The following DNAJC15 variants were observed in gnomAD, a reference collection of about 807,000 sequenced individuals.
The protein encoded by DNAJC15 is dnaJ homolog subfamily C member 15.
DNAJC15 carries 27 observed loss-of-function variants against 22.4 expected under a neutral mutation model. The observed-to-expected ratio is 1.20, with a 90% CI of 0.89 to 1.66. The LOEUF is 1.66. DNAJC15 is among the 40% of genes most tolerant of loss of function. DNAJC15 has a pLI of 0.00. For synonymous variants in DNAJC15, 79 were observed against 63.2 expected (o/e 1.25, Z -1.19); for missense variants, 208 against 187.1 (o/e 1.11, Z -0.65).
chr13:43,055,175 G>C (rs1213712335), intron 1 of DNAJC15, among the ~76,000 whole-genome samples: 1 of 151,782 alleles, frequency 6.6e-6, no homozygotes, highest in Non-Finnish European at 1.5e-5. Flanking sequence ...CTCCCTCTCA[G>C]ATAAGCAAAA....
chr13:43,050,818 TA>T (rs1322539374), intron 1 of DNAJC15, among the ~76,000 whole-genome samples: 1 of 152,226 alleles, frequency 6.6e-6, no homozygotes, highest in Non-Finnish European at 1.5e-5. Flanking sequence ...TTAATTCCAG[TA>T]AATAAATGGG....
chr13:43,037,268 G>A (rs572515596), intron 1 of DNAJC15, among the ~76,000 whole-genome samples: 1 of 152,308 alleles, frequency 6.6e-6, no homozygotes, highest in South Asian at 2.1e-4. Flanking sequence ...ACTACAAAAT[G>A]TTGCAGATAA....
At chr13:43,029,189 C>T (rs2040393800) in intron 1 of DNAJC15, among the ~76,000 whole-genome samples, 1 of 152,194 alleles carries the variant, frequency 6.6e-6, no homozygotes. Context: ...ACTGCTTTTT[C>T]CCCAGAACTT....
In DNAJC15 at chr13:43,067,333, T is replaced by C. The variant is rs886635970; in HGVS notation, c.160+1596T>C. 3.3e-5 allele frequency among the ~76,000 whole-genome samples: 5 copies of C among 152,220 alleles called. No individual in the cohort carries two copies. In the East Asian group the frequency reaches 9.6e-4, roughly 29 times the overall value. On this transcript the variant is annotated intron_variant, in intron 2 of 5. Coordinates refer to ENST00000379221, the MANE Select transcript of DNAJC15 (RefSeq NM_013238.3). ...TCAGATTCTCTTGATGTTTTTGTCA[T>C]CAAGGTCTTATGTCTCAGTTATATA...
At chr13:43,036,023 A>T (rs1593309781) in intron 1 of DNAJC15, among the ~76,000 whole-genome samples, 1 of 152,206 alleles carries the variant, frequency 6.6e-6, no homozygotes, top group African/African-American at 2.4e-5. Flanking sequence ...CACTGTGCCC[A>T]GTCCAAAGTA....
intron 5 of DNAJC15, among the ~76,000 whole-genome samples, chr13:43,093,754 T>C (rs565472860): frequency 4.6e-5 from 7 of 152,278 alleles, no homozygotes; most frequent in Non-Finnish European, 1.0e-4. Flanking sequence ...TATTAATTCA[T>C]TTTAAAATAT....
chr13:43,071,692 A>G (rs1236499656), intron 3 of DNAJC15, among the ~76,000 whole-genome samples: 1 of 152,228 alleles, frequency 6.6e-6, no homozygotes, highest in African/African-American at 2.4e-5. Context: ...CTAAAAAGAC[A>G]GGAACTGTAA....
At position 43,110,385 on chromosome 13, in the gene DNAJC15, C is replaced by T. The variant is rs562368970; in HGVS notation, c.*3137C>T. On this transcript the variant is annotated 3_prime_UTR_variant, in exon 6 of 6. Coordinates refer to ENST00000379221, the MANE Select transcript of DNAJC15 (RefSeq NM_013238.3). ...GGCCTAAGAATTACAGAGCCTGCCT[C>T]GATTCAAAGGGAGAGGATAGAGAGG... is the stretch of plus-strand genomic sequence containing the variant. 2.6e-5 allele frequency: 4 copies of T among 152,230 alleles called. No homozygotes were observed. Among genetic ancestry groups the T allele is most frequent in the Admixed American group, 6.5e-5 (1 of 15,294 alleles). 9.4% of individuals were successfully genotyped at this position (152,230 alleles called of 1,614,324 possible). A position where few individuals can be genotyped will look rare whatever the true frequency, so the allele number is the denominator to read the frequency against.
chr13:43,105,934 GAT>G (rs1445404197), intron 5 of DNAJC15, among the ~76,000 whole-genome samples: 1 of 152,108 alleles, frequency 6.6e-6, no homozygotes, highest in African/African-American at 2.4e-5. Context: ...GACATACTAT[GAT>G]ATATTCCATA....
chr13:43,052,648 C>G (rs1391313918), intron 1 of DNAJC15, among the ~76,000 whole-genome samples: 2 of 152,170 alleles, frequency 1.3e-5, no homozygotes, highest in Non-Finnish European at 2.9e-5. Context: ...ACTCCCTGAC[C>G]TCAGGTGATC....
chr13:43,041,135 CCATATTT>C (rs1480225100), intron 1 of DNAJC15, among the ~76,000 whole-genome samples: 2 of 152,168 alleles, frequency 1.3e-5, no homozygotes, highest in Non-Finnish European at 1.5e-5. Context: ...TCCCACGAGG[CCATATTT>C]CAGACTATCA....
intron 5 of DNAJC15, 83 bp downstream of exon 5, chr13:43,085,921 T>C (rs989474449): frequency 6.3e-6 from 8 of 1,261,568 alleles, no homozygotes; most frequent in Middle Eastern, 2.3e-4. Context: ...ATATGATATA[T>C]AGTTGAGATG....
chr13:43,088,489 CTTGCATT>C (rs2040699621), intron 5 of DNAJC15, among the ~76,000 whole-genome samples: 1 of 152,196 alleles, frequency 6.6e-6, no homozygotes, highest in African/African-American at 2.4e-5. Context: ...AAAGTTCTTT[CTTGCATT>C]TAGATGAAAT....
chr13:43,045,623 T>G (rs963956586), intron 1 of DNAJC15, among the ~76,000 whole-genome samples: 1 of 152,188 alleles, frequency 6.6e-6, no homozygotes, highest in African/African-American at 2.4e-5. Flanking sequence ...TTCTAAGTCA[T>G]GAGTTGATTT....
Position 43,112,569 on chromosome 13 carries a change from G to C in DNAJC15, c.*5321G>C, listed in dbSNP as rs2040830029. The C allele has an allele frequency of 6.6e-6, 1 of 152,170 alleles. No individual in the cohort carries two copies. The highest frequency in any genetic ancestry group is 2.4e-5 in the African/African-American group (1 of 41,454). The allele number at this position is 152,170 out of a possible 1,614,324, so 9.4% of individuals were successfully genotyped here. The stretch of plus-strand genomic sequence containing the variant: ...TGCTAAAAGCCAATAATTAGAATAA[G>C]TTCATTTTAAGAAAAGCATTAATAA... On this transcript the variant is annotated 3_prime_UTR_variant, in exon 6 of 6. Coordinates refer to ENST00000379221, the MANE Select transcript of DNAJC15 (RefSeq NM_013238.3).
chr13:43,088,088 T>C (rs1358799828), intron 5 of DNAJC15, among the ~76,000 whole-genome samples: 14 of 152,138 alleles, frequency 9.2e-5, no homozygotes, highest in Admixed American at 9.2e-4. Flanking sequence ...ACAGATTGCT[T>C]AGAGATGTCT....
chr13:43,090,306 T>A (rs2040708000), intron 5 of DNAJC15, among the ~76,000 whole-genome samples: 1 of 152,240 alleles, frequency 6.6e-6, no homozygotes, highest in African/African-American at 2.4e-5. Context: ...GTGTGATGAG[T>A]TGGCTGCTTG....
At position 43,111,555 on chromosome 13, in the gene DNAJC15, C is replaced by T. The variant is rs1245917564; in HGVS notation, c.*4307C>T. On this transcript the variant is annotated 3_prime_UTR_variant, in exon 6 of 6. Coordinates refer to ENST00000379221, the MANE Select transcript of DNAJC15 (RefSeq NM_013238.3). ...CAATTAGCTTAATATGGTTTAATACCATTTGTGGGAGAAGATGAATCAGCC... is the reference window on the plus strand; with the variant it reads ...CAATTAGCTTAATATGGTTTAATACTATTTGTGGGAGAAGATGAATCAGCC... The T allele has an allele frequency of 2.0e-5, 3 of 152,074 alleles. No homozygotes were observed. Among genetic ancestry groups the T allele is most frequent in the Admixed American group, 2.0e-4 (3 of 15,256 alleles). 9.4% of individuals were successfully genotyped at this position (152,074 alleles called of 1,614,324 possible).
chr13:43,052,597 G>C (rs924213409), intron 1 of DNAJC15, among the ~76,000 whole-genome samples: 1 of 151,980 alleles, frequency 6.6e-6, no homozygotes, highest in Non-Finnish European at 1.5e-5. Flanking sequence ...TTGTATTTTA[G>C]TAGAGACAGG....
Sources: allele counts gnomAD v4.1 joint callset (sites outside exome capture counted in the v4.1 genomes callset), GRCh38; gene constraint gnomAD v4.1.1; transcripts MANE v1.5; gene names NCBI Gene and HGNC (gene_info 2026-07-23, HGNC 2026-07-21).